MAN2B2: variants seen among roughly 807,000 people sequenced by gnomAD.
MAN2B2 encodes the protein mannosidase alpha class 2B member 2.
Under a neutral mutation model 117.1 loss-of-function variants are expected in MAN2B2, and 106 were observed. That is an observed-to-expected ratio of 0.90 (90% CI 0.77 to 1.06). MAN2B2 has a LOEUF of 1.06. MAN2B2 is among the 50% of genes least tolerant of loss of function. The pLI is 0.00. For missense variants in MAN2B2, 1,326 were observed against 1,381.4 expected, an observed-to-expected ratio of 0.96 and a Z score of 0.64; for synonymous variants, 544 against 595.1, an observed-to-expected ratio of 0.91 and a Z score of 1.25.
intron 3 of MAN2B2, among the ~76,000 whole-genome samples, chr4:6,581,043 T>A (rs961046027): frequency 7.9e-5 from 12 of 152,198 alleles, no homozygotes; most frequent in Non-Finnish European, 1.3e-4. Flanking sequence ...GTTTCTTTCA[T>A]GATAACCACC....
In MAN2B2 at chr4:6,622,997, G is replaced by A. The variant is rs921754553; in HGVS notation, c.*1712G>A. 22 of 152,124 alleles carry A rather than the reference G, an allele frequency of 1.4e-4. 1 individual carries two copies. Among genetic ancestry groups the A allele is most frequent in the African/African-American group, 5.4e-4 (22 of 40,928 alleles). The allele number at this position is 152,124 out of a possible 1,614,324, so 9.4% of individuals were successfully genotyped here. A position where few individuals can be genotyped will look rare whatever the true frequency, so the allele number is the denominator to read the frequency against. ...GCATGGATGTGCAGTGGGAGGTTGA[G>A]GCACAAGGAGTGAGGCAGGAGCCCT... On this transcript the variant is annotated 3_prime_UTR_variant, in exon 19 of 19. Transcript: ENST00000285599.
chr4:6,617,229 C>G (rs772639737), intron 16 of MAN2B2, 151 bp from the exon 17 acceptor site: 1 of 606,502 alleles, frequency 1.6e-6, no homozygotes, highest in Non-Finnish European at 2.9e-6. Flanking sequence ...CTACAATTCA[C>G]GATGAGATTT....
chr4:6,593,064 T>G, intron 5 of MAN2B2, 109 bp from the exon 6 acceptor site: 1 of 1,013,948 alleles, frequency 9.9e-7, no homozygotes, highest in South Asian at 1.5e-5. Context: ...AGTCTCAGGG[T>G]GAAATGATGT....
chr4:6,615,162 G>A (rs1408012037), intron 16 of MAN2B2, among the ~76,000 whole-genome samples: 8 of 152,240 alleles, frequency 5.3e-5, no homozygotes, highest in African/African-American at 9.6e-5. Context: ...TAGGGGATCC[G>A]AGGCAGGCGG....
chr4:6,621,514 C>A lies in MAN2B2; in HGVS notation c.*229C>A. 1 of 503,160 alleles carries A rather than the reference C, an allele frequency of 2.0e-6. No homozygotes were observed. Among genetic ancestry groups the A allele is most frequent in the Non-Finnish European group, 3.6e-6 (1 of 281,222 alleles). 31.2% of individuals were successfully genotyped at this position (503,160 alleles called of 1,614,324 possible). A position where few individuals can be genotyped will look rare whatever the true frequency, so the allele number is the denominator to read the frequency against. On this transcript the variant is annotated 3_prime_UTR_variant, in exon 19 of 19. Coordinates refer to ENST00000285599, the MANE Select transcript of MAN2B2 (RefSeq NM_015274.3). ...CCCCCCACACTCAATCAAGCCAGCC[C>A]TCTCCTCTTCTGTCACGTAAAGGAT... is the stretch of plus-strand genomic sequence containing the variant.
intron 11 of MAN2B2, among the ~76,000 whole-genome samples, chr4:6,608,431 C>T (rs986077008): frequency 6.6e-6 from 1 of 152,206 alleles, no homozygotes; most frequent in African/African-American, 2.4e-5. Flanking sequence ...CACTTGTGCA[C>T]TTGGTTAGGC....
intron 18 of MAN2B2, 156 bp from the exon 19 acceptor site, chr4:6,621,032 A>G (rs939934636): frequency 5.0e-6 from 3 of 597,896 alleles, no homozygotes; most frequent in East Asian, 5.7e-5. Context: ...GTGTGGTGAG[A>G]AGGAGGCTGG....
At chr4:6,613,128 G>A (rs1170356325) in intron 15 of MAN2B2, among the ~76,000 whole-genome samples, 3 of 152,196 alleles carry the variant, frequency 2.0e-5, no homozygotes, top group African/African-American at 7.2e-5. Context: ...CTGGGGTCAG[G>A]TGGCCCATGC....
At chr4:6,577,999 G>A (rs1339034372) in intron 2 of MAN2B2, among the ~76,000 whole-genome samples, 5 of 152,204 alleles carry the variant, frequency 3.3e-5, no homozygotes, top group Admixed American at 3.3e-4. Context: ...GGTGTGTAGT[G>A]TCTAGGGCAA....
In MAN2B2 at chr4:6,587,206, G is replaced by A. The variant is rs558834192; in HGVS notation, c.564+38G>A. 8.8e-6 allele frequency: 14 copies of A among 1,596,342 alleles called. No homozygotes were observed. In the Admixed American group the frequency reaches 1.4e-4, roughly 16 times the overall value. ...CCGCGTCTGCTGCCGCCCAGCGACC[G>A]CTCCTCCCTTCCTTCCTTGAATCAG... On this transcript the variant is annotated intron_variant, in intron 4 of 18. Transcript: ENST00000285599.
At chr4:6,598,135 T>G (rs1235082195) in intron 8 of MAN2B2, 63 bp from the exon 9 acceptor site, 7 of 1,556,374 alleles carry the variant, frequency 4.5e-6, no homozygotes, top group Non-Finnish European at 6.1e-6. Context: ...GTAGGTGCCT[T>G]GTAGGTGCTT....
At chr4:6,615,301 C>T (rs1438957132) in intron 16 of MAN2B2, among the ~76,000 whole-genome samples, 2 of 152,042 alleles carry the variant, frequency 1.3e-5, no homozygotes, top group African/African-American at 4.8e-5. Context: ...CAGGCACCTG[C>T]AGCCGCCTTG....
chr4:6,609,945 G>A lies in MAN2B2; in HGVS notation c.2154G>A (p.Arg718=). The part of the protein sequence containing the change: ...PLELNREAVL[R]TSTNLNSQQV... ...AGCTGAACCGTGAGGCTGTCCTGAG[G>A]ACCAGCACCAACCTAAACAGCCAGC... The change falls in exon 13 of 19, where the codon AGG becomes AGA. Residue 718 remains arginine, a synonymous_variant. Transcript: ENST00000285599. 1.9e-6 allele frequency: 3 copies of A among 1,614,162 alleles called. No individual in the cohort carries two copies. The highest frequency in any genetic ancestry group is 1.1e-5 in the South Asian group (1 of 91,086).
intron 3 of MAN2B2, among the ~76,000 whole-genome samples, chr4:6,583,303 T>C (rs1726510084): frequency 2.0e-5 from 3 of 152,118 alleles, no homozygotes; most frequent in Admixed American, 2.0e-4. Context: ...TCTATTTTGC[T>C]CCCAGTCCAT....
intron 5 of MAN2B2, among the ~76,000 whole-genome samples, chr4:6,590,207 A>C (rs1167411290): frequency 6.6e-6 from 1 of 151,964 alleles, no homozygotes; most frequent in Non-Finnish European, 1.5e-5. Context: ...CCCCGTCTCT[A>C]CTGAAAATAC....
At chr4:6,618,787 G>C (rs1712018693) in intron 17 of MAN2B2, 1 of 152,236 alleles carries the variant, frequency 6.6e-6, no homozygotes, top group Non-Finnish European at 1.5e-5. Context: ...CGACATCTGA[G>C]TCTTCAGGGG....
rs184230919 is a variant in MAN2B2 at position 6,610,310 on chromosome 4, C to A, written c.2259+260C>A. On this transcript the variant is annotated intron_variant, in intron 13 of 18. Transcript: ENST00000285599. The stretch of plus-strand genomic sequence containing the variant: ...TAGCTGGGATTACAGCCGCCTGCCA[C>A]CATGCCCAGCTAATTTTTATATTTT... Among the ~76,000 whole-genome samples, 389 of 152,310 alleles carry A rather than the reference C, an allele frequency of 2.6e-3. 1 individual carries two copies. The highest frequency in any genetic ancestry group is 4.0e-3 in the Non-Finnish European group (275 of 68,030).
intron 3 of MAN2B2, among the ~76,000 whole-genome samples, chr4:6,578,755 C>T (rs1310788694): frequency 6.6e-6 from 1 of 152,082 alleles, no homozygotes; most frequent in South Asian, 2.1e-4. Context: ...CTCTGTGACC[C>T]TGGAAAGGAA....
chr4:6,621,074 G>A (rs1278396313), intron 18 of MAN2B2, 114 bp from the exon 19 acceptor site: 1 of 718,960 alleles, frequency 1.4e-6, no homozygotes, highest in Non-Finnish European at 2.5e-6. Flanking sequence ...AGGTGCAGGA[G>A]GGTGAGAGGG....
Sources: gnomAD v4.1 joint callset for allele counts (sites outside exome capture counted in the v4.1 genomes callset) on GRCh38, gnomAD v4.1.1 for gene constraint, MANE v1.5 for transcripts, NCBI Gene and HGNC (gene_info 2026-07-23, HGNC 2026-07-21) for gene names.